The following CD1B variants were observed in gnomAD, a reference collection of about 807,000 sequenced individuals.
The protein encoded by CD1B is CD1b molecule, also known as T-cell surface glycoprotein CD1b.
Under a neutral mutation model 39.8 loss-of-function variants are expected in CD1B, and 43 were observed. That is an observed-to-expected ratio of 1.08 (90% CI 0.85 to 1.39). The LOEUF (loss-of-function observed/expected upper bound fraction) is 1.39, where lower values mean the gene tolerates loss of function less well. Ranked by LOEUF, CD1B falls within the 40% of genes most tolerant of loss-of-function variation. The pLI, the probability that CD1B is intolerant of heterozygous loss-of-function variation, is 0.00. For missense variants in CD1B, 495 were observed against 403.8 expected (o/e 1.23, Z -1.94); for synonymous variants, 192 against 152.5 (o/e 1.26, Z -1.91).
intron 5 of CD1B, 121 bp from the exon 6 acceptor site, chr1:158,328,378 A>G (rs1189725497): frequency 1.5e-6 from 1 of 673,650 alleles, no homozygotes; most frequent in Non-Finnish European, 2.5e-6. Flanking sequence ...AGATAGACGA[A>G]TGGATGAACA....
Position 158,329,479 on chromosome 1 carries a change from C to A in CD1B, c.777G>T (p.Trp259Cys), listed in dbSNP as rs1652495417. ...CCAGGGTTGCTCGGAGATACCATGT[C>A]CAGTTAGCATTGGGCAGGATGTCCC... ...QLGDILPNAN[W>C]TWYLRATLDV... The change falls in exon 4 of 6, where the codon TGG (tryptophan) becomes TGT (cysteine). Residue 259 changes from tryptophan (W) to cysteine (C), a missense_variant. Trp to Cys is a radical substitution (Grantham distance 215). Coordinates refer to ENST00000368168, the MANE Select transcript of CD1B (RefSeq NM_001764.3). 4 of 1,614,066 alleles carry A rather than the reference C, an allele frequency of 2.5e-6. No homozygotes were observed. In the African/African-American group the frequency reaches 5.3e-5, roughly 22 times the overall value.
the CD1B span, among the ~76,000 whole-genome samples, chr1:158,288,649 T>C: frequency 5.3e-5 from 8 of 152,354 alleles, no homozygotes; most frequent in South Asian, 1.7e-3. Context: ...CACCTTGGTC[T>C]CCCAAAGTGC....
chr1:158,321,358 A>G, the CD1B span, among the ~76,000 whole-genome samples: 1 of 152,206 alleles, frequency 6.6e-6, no homozygotes, highest in Non-Finnish European at 1.5e-5. Flanking sequence ...TTTGCATGGA[A>G]TATCTTTTTC....
At chr1:158,286,501 G>T in the CD1B span, among the ~76,000 whole-genome samples, 1 of 152,172 alleles carries the variant, frequency 6.6e-6, no homozygotes, top group African/African-American at 2.4e-5. Context: ...AATATTTTAG[G>T]CTGATAGACA....
the CD1B span, among the ~76,000 whole-genome samples, chr1:158,316,775 T>G: frequency 6.6e-6 from 1 of 151,804 alleles, no homozygotes; most frequent in Admixed American, 6.6e-5. Context: ...GCCCATTCAG[T>G]ATGATATTGG....
At chr1:158,294,202 A>C in the CD1B span, among the ~76,000 whole-genome samples, 1 of 152,236 alleles carries the variant, frequency 6.6e-6, no homozygotes, top group Non-Finnish European at 1.5e-5. Flanking sequence ...AAAAGGAACA[A>C]GAGATTTGGT....
rs376095136 is a variant in CD1B, at chr1:158,328,556, C to G, written c.981-299G>C. 9.7e-4 allele frequency among the ~76,000 whole-genome samples: 147 copies of G among 152,132 alleles called. 3 individuals are homozygous for G. Among genetic ancestry groups the G allele is most frequent in the African/African-American group, 3.4e-3 (142 of 41,494 alleles). On this transcript the variant is annotated intron_variant, in intron 5 of 5. Coordinates refer to ENST00000368168, the MANE Select transcript of CD1B (RefSeq NM_001764.3). The stretch of plus-strand genomic sequence containing the variant: ...CCTAGAATAGTAGAATTCATAGAGA[C>G]AGAATGTAGAGCTGTCCTAACCAGG...
chr1:158,307,125 A>T, the CD1B span, among the ~76,000 whole-genome samples: 1 of 152,208 alleles, frequency 6.6e-6, no homozygotes, highest in Non-Finnish European at 1.5e-5. Context: ...CCCTTCAAAA[A>T]ATCAATGAAT....
chr1:158,316,412 T>A, the CD1B span, among the ~76,000 whole-genome samples: 3 of 151,780 alleles, frequency 2.0e-5, no homozygotes, highest in Non-Finnish European at 4.4e-5. Flanking sequence ...TTATTCTCTT[T>A]AAAGCAATTG....
chr1:158,320,508 C>G, the CD1B span, among the ~76,000 whole-genome samples: 3 of 151,746 alleles, frequency 2.0e-5, no homozygotes, highest in Admixed American at 6.6e-5. Context: ...TGCCTCACCC[C>G]GCTTCAGCTG....
the CD1B span, chr1:158,292,065 C>A: frequency 6.3e-7 from 1 of 1,592,784 alleles, no homozygotes; most frequent in South Asian, 1.1e-5. Context: ...CTCTTTTTCT[C>A]ATTCCTCCCT....
chr1:158,297,412 C>A, the CD1B span, among the ~76,000 whole-genome samples: 17 of 152,146 alleles, frequency 1.1e-4, 1 homozygote, highest in Non-Finnish European at 2.9e-5. Context: ...TTATTACCAC[C>A]AGACCTGCCT....
chr1:158,296,625 T>C, the CD1B span, among the ~76,000 whole-genome samples: 1 of 152,114 alleles, frequency 6.6e-6, no homozygotes, highest in Non-Finnish European at 1.5e-5. Flanking sequence ...TAGACATAGA[T>C]TTTAGAATCT....
At chr1:158,325,583 G>T (rs531859646), downstream of CD1B, among the ~76,000 whole-genome samples, 169 of 151,940 alleles carry the variant, frequency 1.1e-3, no homozygotes, top group African/African-American at 4.0e-3. Flanking sequence ...TTAATTATTA[G>T]TTTATTAGTT....
chr1:158,315,582 A>G, the CD1B span, among the ~76,000 whole-genome samples: 15 of 151,334 alleles, frequency 9.9e-5, no homozygotes, highest in African/African-American at 3.7e-4. Flanking sequence ...AGTAGGTTGC[A>G]AAAATTTTCT....
chr1:158,318,500 G>A, the CD1B span, among the ~76,000 whole-genome samples: 1 of 151,386 alleles, frequency 6.6e-6, no homozygotes, highest in Non-Finnish European at 1.5e-5. Flanking sequence ...GCCTTTTTTT[G>A]TTTTCCATTT....
the CD1B span, chr1:158,293,664 A>G: frequency 2.2e-6 from 3 of 1,384,408 alleles, no homozygotes; most frequent in Non-Finnish European, 3.0e-6. Flanking sequence ...TTTATATAGC[A>G]CTCAACCTTC....
the CD1B span, among the ~76,000 whole-genome samples, chr1:158,306,231 G>A: frequency 6.6e-6 from 1 of 152,140 alleles, no homozygotes; most frequent in South Asian, 2.1e-4. Flanking sequence ...AGGGATGGAG[G>A]AAGACCTAAT....
chr1:158,294,079 G>A, the CD1B span, among the ~76,000 whole-genome samples: 1 of 152,130 alleles, frequency 6.6e-6, no homozygotes, highest in Admixed American at 6.6e-5. Context: ...GTGCAGCCTT[G>A]TGCCTTGATA....
Sources: allele counts gnomAD v4.1 joint callset (sites outside exome capture counted in the v4.1 genomes callset), GRCh38; gene constraint gnomAD v4.1.1; transcripts MANE v1.5; gene names NCBI Gene and HGNC (gene_info 2026-07-23, HGNC 2026-07-21).